GMPS: variants seen among roughly 807,000 people sequenced by gnomAD.
GMPS encodes the protein GMP synthase [glutamine-hydrolyzing].
GMPS carries 15 observed loss-of-function variants against 77.9 expected under a neutral mutation model. The observed-to-expected ratio is 0.19, with a 90% CI of 0.13 to 0.30. The LOEUF is 0.30. Among genes scored for constraint, GMPS ranks in the 10% least tolerant of loss-of-function variants. The pLI, the probability that GMPS is intolerant of heterozygous loss-of-function variation, is 1.00. For missense variants in GMPS, 590 were observed against 838.8 expected, an observed-to-expected ratio of 0.70 and a Z score of 3.66; for synonymous variants, 224 against 275.9, an observed-to-expected ratio of 0.81 and a Z score of 1.86.
At chr3:155,889,189 T>G (rs1199515787) in intron 1 of GMPS, among the ~76,000 whole-genome samples, 1 of 152,198 alleles carries the variant, frequency 6.6e-6, no homozygotes, top group South Asian at 2.1e-4. Flanking sequence ...TTATGGCACT[T>G]GTTTCCTAAG....
At position 155,938,376 on chromosome 3, in the gene GMPS, G is replaced by A. The variant is rs1042271326; in HGVS notation, c.*684G>A. On this transcript the variant is annotated 3_prime_UTR_variant, in exon 16 of 16. Transcript: ENST00000496455. ...ATGTTTTCAAACCATGTTCCACATA[G>A]ATGCCATGTTATTCAATGTCAGCTT... The A allele has an allele frequency of 9.3e-6, 2 of 215,548 alleles. No individual in the cohort carries two copies. Among genetic ancestry groups the A allele is most frequent in the African/African-American group, 4.5e-5 (2 of 44,404 alleles). 13.4% of individuals were successfully genotyped at this position (215,548 alleles called of 1,614,324 possible).
intron 10 of GMPS, among the ~76,000 whole-genome samples, chr3:155,921,764 C>G (rs1755322573): frequency 6.6e-6 from 1 of 151,972 alleles, no homozygotes. Flanking sequence ...TGCACTCTAG[C>G]CTTGGTGACA....
intron 13 of GMPS, among the ~76,000 whole-genome samples, chr3:155,934,011 A>G (rs1476402746): frequency 1.3e-5 from 2 of 152,234 alleles, no homozygotes; most frequent in Admixed American, 6.5e-5. Context: ...GTAGTAGGAT[A>G]CTAAGTCCTA....
intron 1 of GMPS, among the ~76,000 whole-genome samples, chr3:155,871,686 C>T (rs890603759): frequency 2.6e-5 from 4 of 152,376 alleles, no homozygotes; most frequent in Admixed American, 1.3e-4. Flanking sequence ...ACCCGCTTCC[C>T]CGCCTTTGGG....
At chr3:155,875,322 C>A (rs865828662) in intron 1 of GMPS, among the ~76,000 whole-genome samples, 1 of 152,168 alleles carries the variant, frequency 6.6e-6, no homozygotes, top group Non-Finnish European at 1.5e-5. Context: ...CCTCCGCCTC[C>A]CAGGCTCAAG....
At chr3:155,886,611 CTTTTTTTTTTTTTTT>C (rs58367815) in intron 1 of GMPS, among the ~76,000 whole-genome samples, 3 of 78,050 alleles carry the variant, frequency 3.8e-5, no homozygotes, top group South Asian at 1.2e-3. Flanking sequence ...TTCCTGATGA[CTTTTTTTTTTTTTTT>C]TTTTTTTTTT....
At chr3:155,920,377 G>A (rs914472684) in intron 10 of GMPS, among the ~76,000 whole-genome samples, 4 of 152,040 alleles carry the variant, frequency 2.6e-5, no homozygotes, top group South Asian at 4.1e-4. Context: ...TCTGTGGACC[G>A]GTGTGGTGGC....
intron 7 of GMPS, among the ~76,000 whole-genome samples, chr3:155,913,825 C>T (rs1001732950): frequency 1.1e-4 from 16 of 151,398 alleles, no homozygotes; most frequent in African/African-American, 3.4e-4. Context: ...CGGCCCTAAT[C>T]AGCATAATTT....
chr3:155,912,963 C>T (rs1755078464), intron 7 of GMPS, among the ~76,000 whole-genome samples: 1 of 152,198 alleles, frequency 6.6e-6, no homozygotes, highest in African/African-American at 2.4e-5. Flanking sequence ...TCTCCTTCCC[C>T]ATCAGAACAC....
At position 155,938,694 on chromosome 3, in the gene GMPS, T is replaced by C. The variant is rs1238310743; in HGVS notation, c.*1002T>C. 3 of 201,846 alleles carry C rather than the reference T, an allele frequency of 1.5e-5. No individual in the cohort carries two copies. The highest frequency in any genetic ancestry group is 4.6e-5 in the African/African-American group (2 of 43,616). 12.5% of individuals were successfully genotyped at this position (201,846 alleles called of 1,614,324 possible). A position where few individuals can be genotyped will look rare whatever the true frequency, so the allele number is the denominator to read the frequency against. ...AGCTTTTAAATCTAATCTATAGACA[T>C]ATTATTCATTGCTCAGACACCTGTG... On this transcript the variant is annotated 3_prime_UTR_variant, in exon 16 of 16. Coordinates refer to ENST00000496455, the MANE Select transcript of GMPS (RefSeq NM_003875.3).
chr3:155,888,179 G>A (rs889564072), intron 1 of GMPS, among the ~76,000 whole-genome samples: 19 of 145,392 alleles, frequency 1.3e-4, no homozygotes, highest in African/African-American at 4.8e-4. Flanking sequence ...AAAAAATTAT[G>A]TGTGCTTTTA....
intron 4 of GMPS, among the ~76,000 whole-genome samples, chr3:155,905,847 T>C (rs1560044122): frequency 1.3e-5 from 2 of 152,206 alleles, no homozygotes; most frequent in South Asian, 2.1e-4. Flanking sequence ...TCAACAGATA[T>C]ATAATGTTGA....
chr3:155,870,593 C>T (rs1213676527), upstream of GMPS: 1 of 397,662 alleles, frequency 2.5e-6, no homozygotes, highest in Non-Finnish European at 4.5e-6. Flanking sequence ...GCTGCCAAGC[C>T]GAACGGGCTC....
chr3:155,910,642 G>A (rs1181680111), intron 5 of GMPS, 50 bp from the exon 6 acceptor site: 2 of 848,930 alleles, frequency 2.4e-6, no homozygotes, highest in African/African-American at 1.8e-5. Context: ...TATTGCTTGA[G>A]TCTTTTCAGC....
intron 1 of GMPS, among the ~76,000 whole-genome samples, chr3:155,884,962 A>T (rs1185491189): frequency 6.6e-6 from 1 of 152,208 alleles, no homozygotes; most frequent in Non-Finnish European, 1.5e-5. Context: ...GGTAGAAGAG[A>T]GTCTGGACTA....
intron 3 of GMPS, among the ~76,000 whole-genome samples, chr3:155,901,358 A>G (rs1223398909): frequency 6.6e-6 from 1 of 152,088 alleles, no homozygotes; most frequent in Non-Finnish European, 1.5e-5. Context: ...ATTCATTTTC[A>G]CTATTGAATT....
Position 155,941,559 on chromosome 3 carries a change from A to G in GMPS, c.*3867A>G, listed in dbSNP as rs1476854891. ...CATCTGCTTGCGCAATGTTATAACC[A>G]CTTTCCCACACTACTCCCCTCCAGA... On this transcript the variant is annotated 3_prime_UTR_variant, in exon 16 of 16. Coordinates refer to ENST00000496455, the MANE Select transcript of GMPS (RefSeq NM_003875.3). 2 of 220,756 alleles carry G rather than the reference A, an allele frequency of 9.1e-6. No homozygotes were observed. Among genetic ancestry groups the G allele is most frequent in the Admixed American group, 1.2e-4 (2 of 17,300 alleles). 13.7% of individuals were successfully genotyped at this position (220,756 alleles called of 1,614,324 possible).
intron 9 of GMPS, among the ~76,000 whole-genome samples, chr3:155,917,057 C>G (rs1189481025): frequency 2.6e-5 from 4 of 152,024 alleles, no homozygotes; most frequent in African/African-American, 4.8e-5. Context: ...TCACTGCAAC[C>G]TCTGCCTCCC....
chr3:155,904,000 CTAATT>C (rs1398291570), intron 4 of GMPS, 40 bp downstream of exon 4: 7 of 792,270 alleles, frequency 8.8e-6, no homozygotes, highest in Non-Finnish European at 1.4e-5. Flanking sequence ...TAGTAATTAA[CTAATT>C]TAAAGTTGAT....
Sources: gnomAD v4.1 joint callset for allele counts (sites outside exome capture counted in the v4.1 genomes callset) on GRCh38, gnomAD v4.1.1 for gene constraint, MANE v1.5 for transcripts, NCBI Gene and HGNC (gene_info 2026-07-23, HGNC 2026-07-21) for gene names.